The following NBAS variants were observed in gnomAD, a reference collection of about 807,000 sequenced individuals.
NBAS encodes NAG/BC035112 fusion.
NBAS carries 219 observed loss-of-function variants against 302.5 expected under a neutral mutation model. The observed-to-expected ratio is 0.72, with a 90% CI of 0.65 to 0.81. The LOEUF (loss-of-function observed/expected upper bound fraction) is 0.81, where lower values mean the gene tolerates loss of function less well. NBAS is among the 30% of genes least tolerant of loss of function. The probability of loss-of-function intolerance (pLI) is 0.00; values close to 1 mark genes in which losing one functional copy is unlikely to be tolerated. For synonymous variants in NBAS, 1,118 were observed against 1,021.6 expected, an observed-to-expected ratio of 1.09 and a Z score of -1.80; for missense variants, 2,932 against 2,841.6, an observed-to-expected ratio of 1.03 and a Z score of -0.72.
rs959580910 is a variant in NBAS at position 15,561,122 on chromosome 2, C to T, written c.117+66G>A. On this transcript the variant is annotated intron_variant, in intron 1 of 51. Transcript: ENST00000281513. ...TCTCCACTCCCCTACGTGGCTCCTG[C>T]TACGTGGCTCTACCCACGAAGCGCC... 3 of 1,415,370 alleles carry T rather than the reference C, an allele frequency of 2.1e-6. No individual in the cohort carries two copies. In the African/African-American group the frequency reaches 4.2e-5, roughly 20 times the overall value. The allele number at this position is 1,415,370 out of a possible 1,614,324, so 87.7% of individuals were successfully genotyped here. A position where few individuals can be genotyped will look rare whatever the true frequency, so the allele number is the denominator to read the frequency against.
intron 48 of NBAS, among the ~76,000 whole-genome samples, chr2:15,213,471 T>G (rs575643992): frequency 3.9e-5 from 6 of 152,362 alleles, no homozygotes; most frequent in African/African-American, 1.4e-4. Flanking sequence ...TTAATCCATG[T>G]AAAGTCATAG....
intron 32 of NBAS, among the ~76,000 whole-genome samples, chr2:15,360,792 G>A (rs1193029580): frequency 6.6e-6 from 1 of 151,856 alleles, no homozygotes; most frequent in Non-Finnish European, 1.5e-5. Flanking sequence ...CCACTGGAAG[G>A]CCTTCGGGCC....
At chr2:14,932,876 A>C in the NBAS span, among the ~76,000 whole-genome samples, 1 of 152,188 alleles carries the variant, frequency 6.6e-6, no homozygotes, top group Non-Finnish European at 1.5e-5. Flanking sequence ...TTCTATAGTT[A>C]CTTCTGATAA....
At chr2:15,186,318 C>T (rs1308783206) in intron 50 of NBAS, among the ~76,000 whole-genome samples, 1 of 152,034 alleles carries the variant, frequency 6.6e-6, no homozygotes, top group African/African-American at 2.4e-5. Context: ...TGTGATTATG[C>T]AATCTCGTTA....
the NBAS span, among the ~76,000 whole-genome samples, chr2:15,160,902 C>T: frequency 3.3e-5 from 5 of 152,128 alleles, no homozygotes; most frequent in South Asian, 4.1e-4. Context: ...AAGAAGGTAA[C>T]ATGAAAGGGT....
chr2:14,825,675 A>G, the NBAS span, among the ~76,000 whole-genome samples: 1 of 152,202 alleles, frequency 6.6e-6, no homozygotes, highest in East Asian at 1.9e-4. Flanking sequence ...TATTCCAGCA[A>G]CTTATAATAT....
At chr2:14,805,534 T>A in the NBAS span, among the ~76,000 whole-genome samples, 1 of 152,214 alleles carries the variant, frequency 6.6e-6, no homozygotes, top group Non-Finnish European at 1.5e-5. Context: ...GCCAGATTTA[T>A]CCCAAGAATG....
chr2:14,869,926 T>C, the NBAS span, among the ~76,000 whole-genome samples: 1 of 152,212 alleles, frequency 6.6e-6, no homozygotes, highest in East Asian at 1.9e-4. Context: ...GAGTCAACAC[T>C]GATGAGTGGT....
chr2:14,889,207 T>G, the NBAS span, among the ~76,000 whole-genome samples: 8 of 152,220 alleles, frequency 5.3e-5, no homozygotes, highest in Non-Finnish European at 1.5e-5. Context: ...TAAGCTTGAG[T>G]ATCTGGTTAA....
intron 21 of NBAS, among the ~76,000 whole-genome samples, chr2:15,449,645 C>T (rs1678913761): frequency 6.6e-6 from 1 of 152,030 alleles, no homozygotes; most frequent in Non-Finnish European, 1.5e-5. Context: ...ATCTAAAGTG[C>T]CCACAGTGCC....
chr2:14,930,446 G>A, the NBAS span, among the ~76,000 whole-genome samples: 33 of 152,304 alleles, frequency 2.2e-4, 1 homozygote, highest in African/African-American at 7.2e-4. Flanking sequence ...CATACTGTGC[G>A]TGTACCTGAG....
intron 6 of NBAS, among the ~76,000 whole-genome samples, chr2:15,539,936 A>G (rs1361207155): frequency 6.6e-6 from 1 of 152,112 alleles, no homozygotes; most frequent in Admixed American, 6.5e-5. Context: ...TGAGTCAATC[A>G]CACAATTTCA....
chr2:14,927,856 T>C, the NBAS span, among the ~76,000 whole-genome samples: 2 of 152,232 alleles, frequency 1.3e-5, no homozygotes, highest in Admixed American at 6.5e-5. Flanking sequence ...TTTGGAGAAA[T>C]GTCTATTCAA....
chr2:15,284,315 AT>A (rs1248084820), intron 42 of NBAS, among the ~76,000 whole-genome samples: 8 of 152,188 alleles, frequency 5.3e-5, no homozygotes, highest in Admixed American at 5.2e-4. Context: ...AAATAATTTA[AT>A]TTGTATTACT....
chr2:14,971,938 A>C, the NBAS span, among the ~76,000 whole-genome samples: 2 of 152,160 alleles, frequency 1.3e-5, no homozygotes, highest in Admixed American at 1.3e-4. Context: ...ATCTCCATCA[A>C]CTATAGTCAC....
intron 48 of NBAS, among the ~76,000 whole-genome samples, chr2:15,192,038 C>T (rs1665383272): frequency 6.6e-6 from 1 of 152,190 alleles, no homozygotes; most frequent in African/African-American, 2.4e-5. Context: ...TCAGTCAAGG[C>T]CTTGTTCAAC....
chr2:15,287,017 A>G, intron 42 of NBAS, 56 bp downstream of exon 42: 1 of 1,395,864 alleles, frequency 7.2e-7, no homozygotes, highest in Non-Finnish European at 1.0e-6. Flanking sequence ...GAGTCTTCAA[A>G]AATAGACTCT....
chr2:15,156,215 G>A, the NBAS span, among the ~76,000 whole-genome samples: 1 of 152,118 alleles, frequency 6.6e-6, no homozygotes, highest in African/African-American at 2.4e-5. Context: ...CTGCAGCCAG[G>A]AATAGTAGCT....
intron 30 of NBAS, among the ~76,000 whole-genome samples, chr2:15,375,547 G>A (rs573527706): frequency 9.2e-5 from 14 of 152,224 alleles, no homozygotes; most frequent in African/African-American, 2.9e-4. Flanking sequence ...TAAAACTGGA[G>A]GATTTAAATC....
Sources: gnomAD v4.1 joint callset for allele counts (sites outside exome capture counted in the v4.1 genomes callset) on GRCh38, gnomAD v4.1.1 for gene constraint, MANE v1.5 for transcripts, NCBI Gene and HGNC (gene_info 2026-07-23, HGNC 2026-07-21) for gene names.